RYK: variants seen among roughly 807,000 people sequenced by gnomAD.
RYK encodes the protein receptor like tyrosine kinase, also known as inactive tyrosine-protein kinase RYK.
A neutral mutation model predicts 70.2 loss-of-function variants in RYK; 21 were observed. The ratio of observed to expected loss-of-function variants is 0.30; its 90% CI spans 0.21 to 0.43. The LOEUF (loss-of-function observed/expected upper bound fraction) is 0.43, where lower values mean the gene tolerates loss of function less well. RYK is among the 20% of genes least tolerant of loss of function. The probability of loss-of-function intolerance (pLI) is 1.00; values close to 1 mark genes in which losing one functional copy is unlikely to be tolerated. For synonymous variants in RYK, 267 were observed against 278.0 expected (o/e 0.96, Z 0.39); for missense variants, 604 against 753.3 (o/e 0.80, Z 2.32).
intron 9 of RYK, among the ~76,000 whole-genome samples, chr3:134,186,646 A>T (rs908059052): frequency 2.0e-5 from 3 of 152,220 alleles, no homozygotes; most frequent in Non-Finnish European, 4.4e-5. Context: ...AGAAACAACC[A>T]GTGACTACAA....
intron 13 of RYK, among the ~76,000 whole-genome samples, chr3:134,168,631 G>T (rs972795810): frequency 5.1e-5 from 7 of 137,398 alleles, no homozygotes; most frequent in African/African-American, 1.8e-4. Flanking sequence ...AGGGTAGGGG[G>T]ATGGGGGAGG....
chr3:134,195,462 A>T (rs1024324791), intron 6 of RYK: 30 of 296,212 alleles, frequency 1.0e-4, no homozygotes, highest in Non-Finnish European at 4.4e-5. Flanking sequence ...TAATTGTCCT[A>T]AACTTCACAC....
At chr3:134,247,575 G>A (rs767755414) in intron 1 of RYK, among the ~76,000 whole-genome samples, 3 of 152,076 alleles carry the variant, frequency 2.0e-5, no homozygotes, top group Non-Finnish European at 2.9e-5. Flanking sequence ...GGTAATGCGT[G>A]CCTGTAATCC....
intron 1 of RYK, among the ~76,000 whole-genome samples, chr3:134,244,552 G>T (rs564962961): frequency 2.0e-5 from 3 of 152,162 alleles, no homozygotes; most frequent in African/African-American, 7.2e-5. Flanking sequence ...AGAAATGAAT[G>T]CCTACATTGC....
chr3:134,245,518 T>C (rs1176235901), intron 1 of RYK, among the ~76,000 whole-genome samples: 1 of 152,012 alleles, frequency 6.6e-6, no homozygotes, highest in African/African-American at 2.4e-5. Flanking sequence ...GAGGCTCAGG[T>C]CTTGAGGCAC....
rs376122714 is a variant in RYK, at chr3:134,233,873, AT to A, written c.233-11335del. Among the ~76,000 whole-genome samples, 8 of 152,340 alleles carry A rather than the reference AT, an allele frequency of 5.3e-5. No individual in the cohort carries two copies. In the South Asian group the frequency reaches 1.7e-3, roughly 32 times the overall value. On this transcript the variant is annotated intron_variant, in intron 1 of 14. Transcript: ENST00000623711. ...ATGCAAATTACAACATACAAACTGT[AT>A]ACAGCAAATTTCTAACAATGTCTGG...
intron 8 of RYK, among the ~76,000 whole-genome samples, chr3:134,189,339 G>A (rs989556813): frequency 2.0e-5 from 3 of 152,110 alleles, no homozygotes; most frequent in African/African-American, 7.2e-5. Context: ...TTCAAGGGAA[G>A]GCCAGGGAGT....
intron 1 of RYK, among the ~76,000 whole-genome samples, chr3:134,228,512 T>C (rs2014969840): frequency 1.3e-5 from 2 of 152,110 alleles, no homozygotes; most frequent in Admixed American, 6.5e-5. Flanking sequence ...TATTCAACTT[T>C]TAAAAAAATG....
At chr3:134,192,117 T>C (rs1374041472) in intron 7 of RYK, 143 bp from the exon 8 acceptor site, 27 of 726,568 alleles carry the variant, frequency 3.7e-5, no homozygotes, top group East Asian at 9.1e-5. Context: ...ATATATGAAC[T>C]AGGAGAGTTA....
chr3:134,248,188 C>A (rs1182007680), intron 1 of RYK, among the ~76,000 whole-genome samples: 1 of 152,134 alleles, frequency 6.6e-6, no homozygotes, highest in African/African-American at 2.4e-5. Context: ...TGTAACAGGT[C>A]AACCCTATTT....
At chr3:134,160,260 A>C (rs77952276) in intron 13 of RYK, among the ~76,000 whole-genome samples, 13,783 of 152,182 alleles carry the variant, frequency 0.091, 1,277 homozygotes, top group South Asian at 0.32. Context: ...TTGGTAGCTC[A>C]ATTTTACAGG....
chr3:134,234,328 T>C (rs1337016076), intron 1 of RYK, among the ~76,000 whole-genome samples: 2 of 152,110 alleles, frequency 1.3e-5, no homozygotes, highest in Non-Finnish European at 2.9e-5. Flanking sequence ...ACACCAGTAA[T>C]GATAAATTAT....
At chr3:134,162,739 C>T (rs193257049) in intron 13 of RYK, among the ~76,000 whole-genome samples, 14 of 152,190 alleles carry the variant, frequency 9.2e-5, no homozygotes, top group African/African-American at 3.1e-4. Flanking sequence ...AAATGCAATG[C>T]TTTATTTTTA....
At chr3:134,190,422 A>G (rs1392619605) in intron 8 of RYK, among the ~76,000 whole-genome samples, 1 of 152,184 alleles carries the variant, frequency 6.6e-6, no homozygotes, top group African/African-American at 2.4e-5. Context: ...AACATACACA[A>G]AAATATATAT....
chr3:134,244,350 A>T (rs190459842), intron 1 of RYK, among the ~76,000 whole-genome samples: 2 of 152,320 alleles, frequency 1.3e-5, no homozygotes, highest in East Asian at 3.9e-4. Context: ...TTAGCATAAT[A>T]ATAAAGACCA....
chr3:134,208,224 A>G (rs898449097), intron 4 of RYK, among the ~76,000 whole-genome samples: 6 of 152,224 alleles, frequency 3.9e-5, no homozygotes, highest in Admixed American at 3.9e-4. Context: ...TAACCTTAGC[A>G]GATATTAGCA....
Position 134,183,011 on chromosome 3 carries a change from A to G in RYK, c.1163T>C (p.Leu388Pro). 6.3e-7 allele frequency: 1 copy of G among 1,585,026 alleles called. No individual in the cohort carries two copies. The highest frequency in any genetic ancestry group is 8.6e-7 in the Non-Finnish European group (1 of 1,163,552). The change falls in exon 10 of 15, where the codon CTT becomes CCT. Residue 388 changes from leucine (L) to proline (P), a missense_variant. Coordinates refer to ENST00000623711, the MANE Select transcript of RYK (RefSeq NM_002958.4). ...MLTESCKLRG[L>P]HHRNLLPITH... ...TGGTTTCTCCTCTCACCTGTGATGA[A>G]GACCTCGCAGCTTACAACTTTCAGT...
intron 1 of RYK, among the ~76,000 whole-genome samples, chr3:134,223,622 A>T (rs2014802781): frequency 6.6e-6 from 1 of 152,088 alleles, no homozygotes; most frequent in Non-Finnish European, 1.5e-5. Context: ...AAAAAAAAAA[A>T]ATCACACAGA....
rs868195355 is a variant in RYK, at chr3:134,176,079, C to T, written c.1306-40G>A. 30 of 1,161,202 alleles carry T rather than the reference C, an allele frequency of 2.6e-5. No homozygotes were observed. In the Middle Eastern group the frequency reaches 5.7e-4, roughly 22 times the overall value. 71.9% of individuals were successfully genotyped at this position (1,161,202 alleles called of 1,614,324 possible). On this transcript the variant is annotated intron_variant, in intron 11 of 14. Coordinates refer to ENST00000623711, the MANE Select transcript of RYK (RefSeq NM_002958.4). The stretch of plus-strand genomic sequence containing the variant: ...AATAACATGGTTTGCAAATAGCACA[C>T]AAATATGATGGCACTTTCTTACTTT...
Sources: gnomAD v4.1 joint callset for allele counts (sites outside exome capture counted in the v4.1 genomes callset) on GRCh38, gnomAD v4.1.1 for gene constraint, MANE v1.5 for transcripts, NCBI Gene and HGNC (gene_info 2026-07-23, HGNC 2026-07-21) for gene names.